EPHA1: variants seen among roughly 807,000 people sequenced by gnomAD.
EPHA1 encodes EPH receptor A1.
A neutral mutation model predicts 110.1 loss-of-function variants in EPHA1; 92 were observed. That is an observed-to-expected ratio of 0.84 (90% CI 0.71 to 0.99). The LOEUF is 0.99. Ranked by LOEUF, EPHA1 falls within the 50% of genes least tolerant of loss-of-function variation. The pLI is 0.00. For missense variants in EPHA1, 1,204 were observed against 1,285.4 expected, an observed-to-expected ratio of 0.94 and a Z score of 0.97; for synonymous variants, 500 against 516.1, an observed-to-expected ratio of 0.97 and a Z score of 0.42.
rs768480626 is a variant in EPHA1 at position 143,399,690 on chromosome 7, G to A, written c.796C>T (p.Pro266Ser). The A allele has an allele frequency of 3.7e-6, 6 of 1,613,522 alleles. No individual in the cohort carries two copies. Among genetic ancestry groups the A allele is most frequent in the South Asian group, 1.1e-5 (1 of 91,068 alleles). The change falls in exon 4 of 18, where the codon CCT becomes TCT. Residue 266 changes from proline (P) to serine (S), a missense_variant. Coordinates refer to ENST00000275815, the MANE Select transcript of EPHA1 (RefSeq NM_005232.5). ...LVPVGRCHCEPGYEEGGSGEA... is the reference protein window; with the variant it reads ...LVPVGRCHCESGYEEGGSGEA... Reference sequence around the variant, plus strand: ...CCACTGCCACCTTCCTCATAGCCAGGCTCACAGTGGCACCGTCCTACAGGC... The same window carrying A: ...CCACTGCCACCTTCCTCATAGCCAGACTCACAGTGGCACCGTCCTACAGGC...
rs1320344160 is a variant in EPHA1, at chr7:143,393,950, A to G, written c.2503-86T>C. 18 of 1,442,798 alleles carry G rather than the reference A, an allele frequency of 1.2e-5. No individual in the cohort carries two copies. The highest frequency in any genetic ancestry group is 1.3e-5 in the Non-Finnish European group (14 of 1,074,646). The allele number at this position is 1,442,798 out of a possible 1,614,324, so 89.4% of individuals were successfully genotyped here. A position where few individuals can be genotyped will look rare whatever the true frequency, so the allele number is the denominator to read the frequency against. On this transcript the variant is annotated intron_variant, in intron 15 of 17. Coordinates refer to ENST00000275815, the MANE Select transcript of EPHA1 (RefSeq NM_005232.5). This position sits in a 1 kb window ranked among gnomAD's most constrained non-coding sequence, Gnocchi z 5.6. Reference sequence around the variant, plus strand: ...ACCGACGGTCACACAAGATAATTGCAGTGGAGATCCTAGGATGGGAGGAGG... The same window carrying G: ...ACCGACGGTCACACAAGATAATTGCGGTGGAGATCCTAGGATGGGAGGAGG...
intron 2 of EPHA1, among the ~76,000 whole-genome samples, chr7:143,402,203 C>A (rs1394943955): frequency 1.3e-5 from 2 of 151,890 alleles, no homozygotes; most frequent in African/African-American, 4.8e-5. Context: ...CTGTGAGCCA[C>A]CACACCCAGC....
chr7:143,397,548 C>G lies in EPHA1; in HGVS notation c.1712+13G>C. ...CCAGGGCTGGTGGTTGGGGAGGGGG[C>G]AGGAGCTGGCACCTGGACCGGAAAA... On this transcript the variant is annotated intron_variant, in intron 9 of 17. Coordinates refer to ENST00000275815, the MANE Select transcript of EPHA1 (RefSeq NM_005232.5). The G allele has an allele frequency of 6.2e-7, 1 of 1,612,566 alleles. No individual in the cohort carries two copies. The highest frequency in any genetic ancestry group is 8.5e-7 in the Non-Finnish European group (1 of 1,178,952).
chr7:143,404,849 T>C (rs568653706), intron 2 of EPHA1, among the ~76,000 whole-genome samples: 12 of 152,168 alleles, frequency 7.9e-5, no homozygotes, highest in Non-Finnish European at 1.6e-4. Flanking sequence ...AAGTATTCTA[T>C]TGATATTTTT....
intron 2 of EPHA1, among the ~76,000 whole-genome samples, chr7:143,404,197 G>A (rs1162557495): frequency 6.7e-6 from 1 of 149,198 alleles, no homozygotes; most frequent in Non-Finnish European, 1.5e-5. Context: ...AATGAATTTT[G>A]TGTATAATGG....
In EPHA1 at chr7:143,398,055, G is replaced by A. The variant is rs1805309396; in HGVS notation, c.1480C>T (p.Gln494Ter). 5.6e-6 allele frequency: 9 copies of A among 1,614,002 alleles called. No individual in the cohort carries two copies. The highest frequency in any genetic ancestry group is 7.6e-6 in the Non-Finnish European group (9 of 1,179,992). ...AAGACCCTGGGTTCTAGAACCATCT[G>A]GTACCGTTCTTCATCCTGTGGGTTG... ...HVLNQDEERY[Q>*]MVLEPRVLLT... The change falls in exon 8 of 18, where the codon CAG (glutamine) becomes TAG (stop). Residue 494 changes from glutamine (Q) to a stop codon, truncating the protein, a stop_gained. Transcript: ENST00000275815. LOFTEE classifies it high-confidence loss of function.
At position 143,399,978 on chromosome 7, in the gene EPHA1, G is replaced by A. The variant is rs199931138; in HGVS notation, c.508C>T (p.Arg170Cys). Residue 170 changes from arginine to cysteine, a missense_variant, in exon 4 of 18, where the codon CGC becomes TGC. Transcript: ENST00000275815. ...CGGGTCAGGCGGCCCAGAGAGCAGC[G>A]CTCCACATTCAGCTTCACGGAGCCA... ...VSGSVKLNVE[R>C]CSLGRLTRRG... 29 of 1,613,964 alleles carry A rather than the reference G, an allele frequency of 1.8e-5. No individual in the cohort carries two copies. The Admixed American group carries it at 1.8e-4, about 10-fold the overall frequency.
At position 143,395,125 on chromosome 7, in the gene EPHA1, A is replaced by G; in HGVS notation, c.2141T>C (p.Leu714Pro). 1 of 1,614,072 alleles carries G rather than the reference A, an allele frequency of 6.2e-7. No individual in the cohort carries two copies. Among genetic ancestry groups the G allele is most frequent in the Non-Finnish European group, 8.5e-7 (1 of 1,180,022 alleles). The change falls in exon 13 of 18, where the codon CTG (leucine) becomes CCG (proline). Residue 714 changes from leucine (L) to proline (P), a missense_variant. Transcript: ENST00000275815. The surrounding 1 kb of genome is among the most constrained non-coding windows in gnomAD (Gnocchi z 4.7). ...CTAGTCCTCTGCCCTCCTCACCCTC[A>G]GGAAGGCATCCAGGGCTCCATTCTC... Reference protein sequence around the residue: ...FMENGALDAFLREREDQLVPG... With the variant: ...FMENGALDAFPREREDQLVPG...
rs1198388881 is a variant in EPHA1, at chr7:143,396,608, C to G, written c.1772-98G>C. ...GCAGCGGACCACACACTTCTCCACA[C>G]CTCCCTGTTTCCCAAGGTGACTCCT... On this transcript the variant is annotated intron_variant, in intron 10 of 17. Coordinates refer to ENST00000275815, the MANE Select transcript of EPHA1 (RefSeq NM_005232.5). 2.1e-6 allele frequency: 3 copies of G among 1,446,366 alleles called. No homozygotes were observed. In the African/African-American group the frequency reaches 4.2e-5, roughly 20 times the overall value. 89.6% of individuals were successfully genotyped at this position (1,446,366 alleles called of 1,614,324 possible).
Position 143,394,834 on chromosome 7 carries a change from C to T in EPHA1, c.2326G>A (p.Asp776Asn). The change falls in exon 14 of 18, where the codon GAC (aspartate) becomes AAC (asparagine). Residue 776 changes from aspartate to asparagine, a missense_variant. Transcript: ENST00000275815. ...TGGGTTTCGTATGTGCCATCAAAGTCATCCAGGAGGCGAGTCAGGCCAAAG... is the reference window on the plus strand; with the variant it reads ...TGGGTTTCGTATGTGCCATCAAAGTTATCCAGGAGGCGAGTCAGGCCAAAG... ...SDFGLTRLLD[D>N]FDGTYETQGG... The T allele has an allele frequency of 9.3e-6, 15 of 1,614,142 alleles. No individual in the cohort carries two copies. Among genetic ancestry groups the T allele is most frequent in the Non-Finnish European group, 1.3e-5 (15 of 1,180,036 alleles).
At chr7:143,402,577 A>G (rs773995569) in intron 2 of EPHA1, among the ~76,000 whole-genome samples, 1 of 152,206 alleles carries the variant, frequency 6.6e-6, no homozygotes, top group Non-Finnish European at 1.5e-5. Flanking sequence ...TATTTTTAGT[A>G]GAGACAAGGT....
In EPHA1 at chr7:143,398,059, C is replaced by T. The variant is rs777724523; in HGVS notation, c.1476G>A (p.Arg492=). The T allele has an allele frequency of 3.9e-5, 63 of 1,614,078 alleles. No homozygotes were observed. In the Admixed American group the frequency reaches 8.7e-4, roughly 22 times the overall value. Residue 492 remains arginine (R), a synonymous_variant, in exon 8 of 18, where the codon CGG becomes CGA. Coordinates refer to ENST00000275815, the MANE Select transcript of EPHA1 (RefSeq NM_005232.5). ...CCCTGGGTTCTAGAACCATCTGGTA[C>T]CGTTCTTCATCCTGTGGGTTGGAGT... is the stretch of plus-strand genomic sequence containing the variant. The part of the protein sequence containing the change: ...ELHVLNQDEE[R]YQMVLEPRVL...
In EPHA1 at chr7:143,398,008, G is replaced by A; in HGVS notation, c.1527C>T (p.Asp509=). The A allele has an allele frequency of 3.1e-6, 5 of 1,614,138 alleles. No individual in the cohort carries two copies. The Admixed American group carries it at 6.7e-5, about 22-fold the overall frequency. ...PRVLLTELQP[D]TTYIVRVRML... is the part of the protein sequence containing the mutation. Reference sequence around the variant, plus strand: ...TTCGGACTCTGACGATGTATGTGGTGTCAGGCTGCAGCTCTGTCAGCAAGA... The same window carrying A: ...TTCGGACTCTGACGATGTATGTGGTATCAGGCTGCAGCTCTGTCAGCAAGA... The change falls in exon 8 of 18, where the codon GAC becomes GAT. Residue 509 remains aspartate (D), a synonymous_variant. Coordinates refer to ENST00000275815, the MANE Select transcript of EPHA1 (RefSeq NM_005232.5).
chr7:143,399,619 G>C, intron 4 of EPHA1, 32 bp downstream of exon 4: 1 of 1,610,854 alleles, frequency 6.2e-7, no homozygotes, highest in East Asian at 2.2e-5. Flanking sequence ...CTCCCGAGTG[G>C]TTCCTCAGGT....
chr7:143,395,576 C>G lies in EPHA1; in HGVS notation c.1898-72G>C, dbSNP rs1805221688. The G allele has an allele frequency of 2.7e-6, 4 of 1,497,074 alleles. No individual in the cohort carries two copies. The highest frequency in any genetic ancestry group is 3.7e-6 in the Non-Finnish European group (4 of 1,094,262). The allele number at this position is 1,497,074 out of a possible 1,614,324, so 92.7% of individuals were successfully genotyped here. On this transcript the variant is annotated intron_variant, in intron 11 of 17. Transcript: ENST00000275815. This position sits in a 1 kb window ranked among gnomAD's most constrained non-coding sequence, Gnocchi z 4.7. Reference sequence around the variant, plus strand: ...CTCCAGGGGACAGGCAGCAACCCCTCCAGTCCTCCGGCCCTTTTCTTTTCT... The same window carrying G: ...CTCCAGGGGACAGGCAGCAACCCCTGCAGTCCTCCGGCCCTTTTCTTTTCT...
chr7:143,393,303 A>T lies in EPHA1; in HGVS notation c.2696+368T>A, dbSNP rs1805141861. Among the ~76,000 whole-genome samples, 1 of 152,142 alleles carries T rather than the reference A, an allele frequency of 6.6e-6. No individual in the cohort carries two copies. The highest frequency in any genetic ancestry group is 6.5e-5 in the Admixed American group (1 of 15,284). On this transcript the variant is annotated intron_variant, in intron 16 of 17. Coordinates refer to ENST00000275815, the MANE Select transcript of EPHA1 (RefSeq NM_005232.5). The surrounding 1 kb of genome is among the most constrained non-coding windows in gnomAD (Gnocchi z 5.6). ...ATGAATGGATGACCCTTTCCTTCACATGCAGAAATATTTCTATGGGGAAGG... is the reference window on the plus strand; with the variant it reads ...ATGAATGGATGACCCTTTCCTTCACTTGCAGAAATATTTCTATGGGGAAGG...
chr7:143,391,495 T>G lies in EPHA1; in HGVS notation c.2893A>C (p.Lys965Gln). ...QMGITLPGHQ[K>Q]RILCSIQGFK... ...CCCTGAATACTGCAAAGAATGCGCT[T>G]CTGGTGCCCGGGCAGTGTGATTCCC... Residue 965 changes from lysine (K) to glutamine (Q), a missense_variant, in exon 18 of 18, where the codon AAG (lysine) becomes CAG (glutamine). Physicochemically the swap from Lys to Gln is moderately conservative, Grantham distance 53. Coordinates refer to ENST00000275815, the MANE Select transcript of EPHA1 (RefSeq NM_005232.5). 1 of 1,614,164 alleles carries G rather than the reference T, an allele frequency of 6.2e-7. No individual in the cohort carries two copies. The highest frequency in any genetic ancestry group is 8.5e-7 in the Non-Finnish European group (1 of 1,180,030).
chr7:143,396,272 A>G, intron 11 of EPHA1, 113 bp downstream of exon 11: 1 of 1,401,752 alleles, frequency 7.1e-7, no homozygotes, highest in Non-Finnish European at 9.5e-7. Flanking sequence ...AAACTCTTGG[A>G]CCAGAGAAGC....
chr7:143,405,774 A>G (rs1048988277), intron 2 of EPHA1, among the ~76,000 whole-genome samples: 1 of 152,164 alleles, frequency 6.6e-6, no homozygotes, highest in Non-Finnish European at 1.5e-5. Context: ...GGTTTAGTCT[A>G]TTAGCTCTAA....
Sources: gnomAD v4.1 joint callset for allele counts (sites outside exome capture counted in the v4.1 genomes callset) on GRCh38, gnomAD v4.1.1 for gene constraint, Gnocchi (gnomAD v3.1) non-coding constraint, MANE v1.5 for transcripts, NCBI Gene and HGNC (gene_info 2026-07-23, HGNC 2026-07-21) for gene names.